Variants in PKD2L1 observed in about 807,000 individuals in gnomAD.
PKD2L1 encodes the protein polycystin 2 like 1, transient receptor potential cation channel, also known as polycystin-2-like protein 1.
Under a neutral mutation model 93.0 loss-of-function variants are expected in PKD2L1, and 77 were observed. The observed-to-expected ratio is 0.83, with a 90% CI of 0.69 to 1.00. PKD2L1 has a LOEUF of 1.00. Ranked by LOEUF, PKD2L1 falls within the 50% of genes least tolerant of loss-of-function variation. The pLI, the probability that PKD2L1 is intolerant of heterozygous loss-of-function variation, is 0.00. For synonymous variants in PKD2L1, 390 were observed against 388.0 expected (o/e 1.01, Z -0.06); for missense variants, 977 against 990.9 (o/e 0.99, Z 0.19).
At chr10:100,315,266 G>A (rs1849076315) in intron 2 of PKD2L1, among the ~76,000 whole-genome samples, 1 of 152,006 alleles carries the variant, frequency 6.6e-6, no homozygotes, top group Non-Finnish European at 1.5e-5. Flanking sequence ...CATGTGCCAC[G>A]GTGGTTTGCT....
chr10:100,329,894 G>A lies in PKD2L1; in HGVS notation c.210C>T (p.Cys70=). ...TAYRTQVSSC[C]LHICQGIRGL... ...CTCTGATGCCTTGACAGATATGGAGGCAGCAGCTGGACACCTGGGTCCTGT... is the reference window on the plus strand; with the variant it reads ...CTCTGATGCCTTGACAGATATGGAGACAGCAGCTGGACACCTGGGTCCTGT... Residue 70 remains cysteine, a synonymous_variant, in exon 1 of 16, where the codon TGC becomes TGT. Transcript: ENST00000318222. The A allele has an allele frequency of 6.2e-7, 1 of 1,611,302 alleles. No individual in the cohort carries two copies. The highest frequency in any genetic ancestry group is 1.1e-5 in the South Asian group (1 of 90,946).
At position 100,294,533 on chromosome 10, in the gene PKD2L1, A is replaced by G; in HGVS notation, c.1659+2T>C. On this transcript the variant is annotated splice_donor_variant, in intron 9 of 15. Coordinates refer to ENST00000318222, the MANE Select transcript of PKD2L1 (RefSeq NM_016112.3). LOFTEE classifies it high-confidence loss of function. ...GTCCCCACCCCTCAGAGAGACCCTCACCAGGAGCACGAAGAAGACGAAGAA... is the reference window on the plus strand; with the variant it reads ...GTCCCCACCCCTCAGAGAGACCCTCGCCAGGAGCACGAAGAAGACGAAGAA... 6.2e-7 allele frequency: 1 copy of G among 1,613,964 alleles called. No homozygotes were observed. Among genetic ancestry groups the G allele is most frequent in the Non-Finnish European group, 8.5e-7 (1 of 1,179,970 alleles).
intron 3 of PKD2L1, among the ~76,000 whole-genome samples, chr10:100,299,247 G>A (rs991291049): frequency 6.6e-6 from 1 of 152,152 alleles, no homozygotes; most frequent in African/African-American, 2.4e-5. Flanking sequence ...GTGAGCCACC[G>A]TGCCCGGCCT....
intron 2 of PKD2L1, among the ~76,000 whole-genome samples, chr10:100,304,755 A>G (rs560955175): frequency 6.6e-6 from 1 of 152,182 alleles, no homozygotes; most frequent in Admixed American, 6.5e-5. Flanking sequence ...AAAGTGTTGG[A>G]ATCATAGGCG....
chr10:100,303,942 C>A (rs1211985315), intron 2 of PKD2L1, among the ~76,000 whole-genome samples: 1 of 152,174 alleles, frequency 6.6e-6, no homozygotes, highest in Non-Finnish European at 1.5e-5. Flanking sequence ...TCCTCTTTTC[C>A]AATTCGGAGA....
intron 2 of PKD2L1, among the ~76,000 whole-genome samples, chr10:100,304,044 G>A (rs1848745234): frequency 2.6e-5 from 4 of 152,310 alleles, no homozygotes; most frequent in South Asian, 4.1e-4. Context: ...AATATTACAC[G>A]TCTTCTGAGA....
intron 2 of PKD2L1, among the ~76,000 whole-genome samples, chr10:100,304,686 T>C (rs1312686877): frequency 1.3e-5 from 2 of 152,186 alleles, no homozygotes. Flanking sequence ...GGTCTCACTA[T>C]GTTGCCCAGG....
In PKD2L1 at chr10:100,291,412, C is replaced by T; in HGVS notation, c.1896G>A (p.Glu632=). 1.2e-6 allele frequency: 2 copies of T among 1,614,084 alleles called. No individual in the cohort carries two copies. The highest frequency in any genetic ancestry group is 1.7e-6 in the Non-Finnish European group (2 of 1,179,972). The change falls in exon 12 of 16, where the codon GAG becomes GAA. Residue 632 remains glutamate, a synonymous_variant. Transcript: ENST00000318222. ...TNTLRELGHA[E]HEITELTATF... ...TGGCCGTGAGCTCAGTGATTTCATG[C>T]TCTGCGTGTCCCAGTCTGAGAAGAG...
intron 2 of PKD2L1, among the ~76,000 whole-genome samples, chr10:100,325,840 C>A (rs1375743062): frequency 2.0e-5 from 3 of 152,166 alleles, no homozygotes; most frequent in South Asian, 2.1e-4. Flanking sequence ...TATTAGTGAG[C>A]TATTTTATTT....
chr10:100,305,311 AC>A (rs1220687281), intron 2 of PKD2L1, among the ~76,000 whole-genome samples: 1 of 152,018 alleles, frequency 6.6e-6, no homozygotes, highest in African/African-American at 2.4e-5. Context: ...CAGGGGTTTC[AC>A]CATGTTGACC....
intron 11 of PKD2L1, among the ~76,000 whole-genome samples, chr10:100,292,097 C>T (rs1017244264): frequency 1.3e-5 from 2 of 151,970 alleles, no homozygotes; most frequent in African/African-American, 2.4e-5. Flanking sequence ...AGGAAGCCTT[C>T]CCTTAAGCTC....
intron 14 of PKD2L1, 147 bp from the exon 15 acceptor site, chr10:100,289,203 T>A: frequency 1.7e-6 from 1 of 590,374 alleles, no homozygotes; most frequent in Non-Finnish European, 3.0e-6. Flanking sequence ...TAACCCCCAA[T>A]GTGATAGTAT....
intron 2 of PKD2L1, among the ~76,000 whole-genome samples, chr10:100,322,870 G>A (rs796733398): frequency 2.3e-4 from 35 of 152,336 alleles, no homozygotes; most frequent in African/African-American, 8.2e-4. Context: ...TGCTGAGTTG[G>A]ATTCCTCTTT....
At chr10:100,324,071 G>A (rs1377363005) in intron 2 of PKD2L1, among the ~76,000 whole-genome samples, 1 of 152,086 alleles carries the variant, frequency 6.6e-6, no homozygotes, top group Non-Finnish European at 1.5e-5. Context: ...CAGGCAGTCT[G>A]TCCAGTTCAG....
intron 6 of PKD2L1, 107 bp from the exon 7 acceptor site, chr10:100,296,399 A>G (rs554474666): frequency 3.5e-6 from 3 of 852,534 alleles, no homozygotes; most frequent in South Asian, 4.2e-5. Flanking sequence ...CAGGTGGGAA[A>G]AAAGCCATCC....
intron 3 of PKD2L1, 35 bp downstream of exon 3, chr10:100,299,556 A>G: frequency 6.2e-7 from 1 of 1,605,256 alleles, no homozygotes; most frequent in Non-Finnish European, 8.5e-7. Flanking sequence ...CCATTGAGAA[A>G]GAGAGGGGAG....
intron 2 of PKD2L1, among the ~76,000 whole-genome samples, chr10:100,305,503 T>C (rs147701466): frequency 6.4e-4 from 97 of 152,320 alleles, no homozygotes; most frequent in Middle Eastern, 3.4e-3. Flanking sequence ...GGACAACTTA[T>C]ATTTAGTAAA....
intron 4 of PKD2L1, 27 bp from the exon 5 acceptor site, chr10:100,297,633 A>G (rs1468250865): frequency 6.4e-7 from 1 of 1,574,144 alleles, no homozygotes; most frequent in African/African-American, 1.4e-5. Flanking sequence ...CAGCTGAGCC[A>G]GCCCAAAAGT....
intron 2 of PKD2L1, among the ~76,000 whole-genome samples, chr10:100,303,476 G>T (rs1848732598): frequency 2.0e-5 from 3 of 152,076 alleles, no homozygotes; most frequent in Admixed American, 2.0e-4. Context: ...GAGCCACCGC[G>T]CCCGGCCCAC....
Sources: gnomAD v4.1 joint callset for allele counts (sites outside exome capture counted in the v4.1 genomes callset) on GRCh38, gnomAD v4.1.1 for gene constraint, MANE v1.5 for transcripts, NCBI Gene and HGNC (gene_info 2026-07-23, HGNC 2026-07-21) for gene names.